The following KCNT1 variants were observed in gnomAD, a reference collection of about 807,000 sequenced individuals.
KCNT1 encodes potassium sodium-activated channel subfamily T member 1.
In KCNT1, 78 loss-of-function variants were observed where a neutral mutation model predicts 147.8. The ratio of observed to expected loss-of-function variants is 0.53; its 90% confidence interval spans 0.44 to 0.64. The LOEUF is 0.64. Ranked by LOEUF, KCNT1 falls within the 30% of genes least tolerant of loss-of-function variation. The probability of loss-of-function intolerance (pLI) is 0.00; values close to 1 mark genes in which losing one functional copy is unlikely to be tolerated. For missense variants in KCNT1, 1,419 were observed against 1,750.3 expected (o/e 0.81, Z 3.38); for synonymous variants, 867 against 748.8 (o/e 1.16, Z -2.58).
chr9:135,718,173 C>T (rs1394500383), intron 2 of KCNT1, among the ~76,000 whole-genome samples: 1 of 152,220 alleles, frequency 6.6e-6, no homozygotes, highest in African/African-American at 2.4e-5. Flanking sequence ...TCCTCCTCAT[C>T]CCCAGTGCCT....
At chr9:135,787,905 T>C (rs1363613570) in intron 29 of KCNT1, among the ~76,000 whole-genome samples, 1 of 152,182 alleles carries the variant, frequency 6.6e-6, no homozygotes, top group Non-Finnish European at 1.5e-5. Context: ...GGTGCCTGCC[T>C]CTGCGACCGC....
chr9:135,792,270 C>A lies in KCNT1; in HGVS notation c.*109C>A. On this transcript the variant is annotated 3_prime_UTR_variant, in exon 31 of 31. Coordinates refer to ENST00000371757, the MANE Select transcript of KCNT1 (RefSeq NM_020822.3). ...AGCGTGACCCTGGGGATGGCACACTCTACTCACCATGGCTCCTGGGACTCC... is the reference window on the plus strand; with the variant it reads ...AGCGTGACCCTGGGGATGGCACACTATACTCACCATGGCTCCTGGGACTCC... 1 of 1,350,594 alleles carries A rather than the reference C, an allele frequency of 7.4e-7. No homozygotes were observed. Among genetic ancestry groups the A allele is most frequent in the Non-Finnish European group, 9.9e-7 (1 of 1,008,320 alleles). The allele number at this position is 1,350,594 out of a possible 1,614,324, so 83.7% of individuals were successfully genotyped here.
Position 135,759,806 on chromosome 9 carries a change from C to G in KCNT1, c.982C>G (p.Gln328Glu). 1 of 1,613,306 alleles carries G rather than the reference C, an allele frequency of 6.2e-7. No homozygotes were observed. Among genetic ancestry groups the G allele is most frequent in the Non-Finnish European group, 8.5e-7 (1 of 1,179,778 alleles). ...GDVTPKIWPS[Q>E]LLVVIMICVA... ...CGTCACGCCCAAGATCTGGCCATCG[C>G]AGCTGCTGGTGGTCATCATGATCTG... The change falls in exon 11 of 31, where the codon CAG becomes GAG. Residue 328 changes from glutamine to glutamate, a missense_variant. Gln to Glu is a conservative substitution (Grantham distance 29). Transcript: ENST00000371757.
intron 19 of KCNT1, 105 bp downstream of exon 19, chr9:135,773,054 C>A: frequency 1.3e-6 from 1 of 783,308 alleles, no homozygotes; most frequent in Admixed American, 3.6e-5. Context: ...CTCTGAATTG[C>A]AGCTTCTGGA....
chr9:135,780,395 C>G (rs11103186), intron 24 of KCNT1, among the ~76,000 whole-genome samples: 1 of 152,180 alleles, frequency 6.6e-6, no homozygotes, highest in African/African-American at 2.4e-5. Context: ...GCCACCAACA[C>G]CAGGCAGAGG....
At chr9:135,765,280 C>G in intron 12 of KCNT1, 85 bp downstream of exon 12, 1 of 1,339,110 alleles carries the variant, frequency 7.5e-7, no homozygotes, top group Non-Finnish European at 1.0e-6. Flanking sequence ...CTTGGCAAGT[C>G]CCTGAGTCCT....
At chr9:135,705,105 T>C (rs1440784445) in intron 1 of KCNT1, among the ~76,000 whole-genome samples, 1 of 152,214 alleles carries the variant, frequency 6.6e-6, no homozygotes, top group Admixed American at 6.5e-5. Flanking sequence ...AGCTCTTGAT[T>C]AACACAGAAA....
chr9:135,745,785 G>A (rs1053801446), intron 2 of KCNT1, among the ~76,000 whole-genome samples: 1 of 152,240 alleles, frequency 6.6e-6, no homozygotes, highest in Non-Finnish European at 1.5e-5. Context: ...GGCAGGGCCC[G>A]TGTAGCCTCA....
In KCNT1 at chr9:135,764,903, G is replaced by C. The variant is rs371974213; in HGVS notation, c.1036-128G>C. 5.6e-6 allele frequency: 5 copies of C among 888,478 alleles called. No homozygotes were observed. The African/African-American group carries it at 8.4e-5, about 15-fold the overall frequency. The allele number at this position is 888,478 out of a possible 1,614,324, so 55.0% of individuals were successfully genotyped here. ...TGTGGGAAAGGCCCCCCTAATGTAG[G>C]TGTCACCCCCCGGCCGGCCCTGCCC... is the stretch of plus-strand genomic sequence containing the variant. On this transcript the variant is annotated intron_variant, in intron 11 of 30. Coordinates refer to ENST00000371757, the MANE Select transcript of KCNT1 (RefSeq NM_020822.3).
intron 11 of KCNT1, among the ~76,000 whole-genome samples, chr9:135,760,169 C>T (rs963819409): frequency 6.6e-6 from 1 of 152,152 alleles, no homozygotes; most frequent in Non-Finnish European, 1.5e-5. Context: ...AGGGAAGGGT[C>T]AAGGTGGACA....
At chr9:135,719,926 A>G (rs561842930) in intron 2 of KCNT1, among the ~76,000 whole-genome samples, 2 of 152,312 alleles carry the variant, frequency 1.3e-5, no homozygotes, top group Admixed American at 1.3e-4. Context: ...TCCTCTGACA[A>G]CAGAGAACGG....
intron 2 of KCNT1, chr9:135,742,697 G>T: frequency 1.4e-6 from 1 of 715,930 alleles, no homozygotes; most frequent in Non-Finnish European, 2.6e-6. Flanking sequence ...CCATCCGTCC[G>T]TCTATCTGTC....
At chr9:135,744,635 G>A (rs972008344) in intron 2 of KCNT1, among the ~76,000 whole-genome samples, 9 of 152,188 alleles carry the variant, frequency 5.9e-5, no homozygotes, top group Admixed American at 3.9e-4. Context: ...GTGTAGGGAC[G>A]GGGCTGGCCA....
Position 135,792,001 on chromosome 9 carries a change from G to A in KCNT1, c.3588-40G>A, listed in dbSNP as rs112181539. On this transcript the variant is annotated intron_variant, in intron 30 of 30. Transcript: ENST00000371757. ...GCAGAGGGCTGAGCAGGGGCTGCCC[G>A]GCCCACATCCACTCCAGGGTCCTCT... 3.2e-5 allele frequency: 52 copies of A among 1,602,524 alleles called. 1 individual carries two copies. In the African/African-American group the frequency reaches 3.3e-4, roughly 10 times the overall value.
rs1362947276 is a variant in KCNT1 at position 135,765,166 on chromosome 9, A to G, written c.1171A>G (p.Asn391Asp). Reference sequence around the variant, plus strand: ...GATCGACCTTCTCATGGACTTCCTGAACGAGTTCTACGCCCACCCCCGGCT... The same window carrying G: ...GATCGACCTTCTCATGGACTTCCTGGACGAGTTCTACGCCCACCCCCGGCT... ...LKIDLLMDFL[N>D]EFYAHPRLQD... Residue 391 changes from asparagine to aspartate, a missense_variant, in exon 12 of 31, where the codon AAC becomes GAC. By Grantham distance (23) the Asn-to-Asp change is conservative (BLOSUM62 1). Coordinates refer to ENST00000371757, the MANE Select transcript of KCNT1 (RefSeq NM_020822.3). 1 of 1,612,886 alleles carries G rather than the reference A, an allele frequency of 6.2e-7. No homozygotes were observed. The highest frequency in any genetic ancestry group is 8.5e-7 in the Non-Finnish European group (1 of 1,179,558).
At chr9:135,751,992 C>T (rs1831203985) in intron 4 of KCNT1, 1 of 200,936 alleles carries the variant, frequency 5.0e-6, no homozygotes, top group Non-Finnish European at 1.0e-5. Context: ...ACGCTTTCCC[C>T]ATCTGCTGGG....
At chr9:135,784,496 T>TCCCCCCC in intron 25 of KCNT1, 39 bp from the exon 26 acceptor site, 1 of 155,888 alleles carries the variant, frequency 6.4e-6, no homozygotes, top group Non-Finnish European at 1.2e-5. Context: ...CCTCCCTCCC[T>TCCCCCCC]CCCTCCCTCC....
At chr9:135,769,012 T>TG in intron 15 of KCNT1, 75 bp downstream of exon 15, 1 of 1,144,256 alleles carries the variant, frequency 8.7e-7, no homozygotes, top group Non-Finnish European at 1.3e-6. Flanking sequence ...ATGGTGCATC[T>TG]GGGGCAGGGC....
At chr9:135,763,374 C>T (rs1451609700) in intron 11 of KCNT1, among the ~76,000 whole-genome samples, 2 of 152,364 alleles carry the variant, frequency 1.3e-5, no homozygotes, top group Admixed American at 6.5e-5. Context: ...GAGGCCCTCG[C>T]TCACGAGCGT....
Sources: gnomAD v4.1 joint callset for allele counts (sites outside exome capture counted in the v4.1 genomes callset) on GRCh38, gnomAD v4.1.1 for gene constraint, MANE v1.5 for transcripts, NCBI Gene and HGNC (gene_info 2026-07-23, HGNC 2026-07-21) for gene names.